The following SERGEF variants were observed in gnomAD, a reference collection of about 807,000 sequenced individuals.
The protein encoded by SERGEF is secretion-regulating guanine nucleotide exchange factor.
Under a neutral mutation model 50.0 loss-of-function variants are expected in SERGEF, and 51 were observed. That is an observed-to-expected ratio of 1.02 (90% CI 0.81 to 1.29). SERGEF has a LOEUF of 1.29. Ranked by LOEUF, SERGEF falls within the 50% of genes most tolerant of loss-of-function variation. The probability of loss-of-function intolerance (pLI) is 0.00; values close to 1 mark genes in which losing one functional copy is unlikely to be tolerated. For synonymous variants in SERGEF, 205 were observed against 212.4 expected, an observed-to-expected ratio of 0.97 and a Z score of 0.30; for missense variants, 521 against 557.0, an observed-to-expected ratio of 0.94 and a Z score of 0.65.
intron 10 of SERGEF, among the ~76,000 whole-genome samples, chr11:17,824,361 G>A (rs1850147085): frequency 6.6e-6 from 1 of 151,882 alleles, no homozygotes; most frequent in Middle Eastern, 3.2e-3. Context: ...AATATTGCTA[G>A]CAGCCATCTT....
At chr11:17,917,342 C>T (rs1442942948) in intron 9 of SERGEF, among the ~76,000 whole-genome samples, 4 of 152,190 alleles carry the variant, frequency 2.6e-5, no homozygotes, top group African/African-American at 7.2e-5. Context: ...TGTATGTTCT[C>T]ACTCATAAGT....
At chr11:17,907,042 A>C (rs954593482) in intron 9 of SERGEF, among the ~76,000 whole-genome samples, 2 of 151,858 alleles carry the variant, frequency 1.3e-5, no homozygotes, top group Non-Finnish European at 2.9e-5. Context: ...CGCCCAGTCC[A>C]TGACCCTCGG....
intron 9 of SERGEF, among the ~76,000 whole-genome samples, chr11:17,882,418 CAAAAAAAAA>C (rs770460948): frequency 2.8e-4 from 19 of 68,204 alleles, no homozygotes; most frequent in African/African-American, 9.5e-4. Context: ...GAGTCAGTCT[CAAAAAAAAA>C]AAAAAAAAAG....
intron 9 of SERGEF, among the ~76,000 whole-genome samples, chr11:17,890,786 G>A (rs1851518244): frequency 6.6e-6 from 1 of 152,118 alleles, no homozygotes. Context: ...GCTGATTCTA[G>A]GACTGAGGCA....
intron 9 of SERGEF, among the ~76,000 whole-genome samples, chr11:17,945,548 T>C (rs924380585): frequency 3.9e-5 from 6 of 152,242 alleles, no homozygotes; most frequent in African/African-American, 1.4e-4. Context: ...ATACAGACCT[T>C]TTCCATTATC....
intron 8 of SERGEF, among the ~76,000 whole-genome samples, chr11:17,973,705 C>T (rs984805879): frequency 6.6e-6 from 1 of 152,168 alleles, no homozygotes; most frequent in African/African-American, 2.4e-5. Context: ...AAAAGACCTA[C>T]AGGGGTCCTA....
intron 10 of SERGEF, among the ~76,000 whole-genome samples, chr11:17,859,197 G>T (rs2133880808): frequency 6.6e-6 from 1 of 152,168 alleles, no homozygotes; most frequent in East Asian, 1.9e-4. Context: ...CAGAGTCAAG[G>T]CAGAGAAGAA....
intron 9 of SERGEF, among the ~76,000 whole-genome samples, chr11:17,938,849 G>A (rs536495122): frequency 6.6e-6 from 1 of 152,188 alleles, no homozygotes; most frequent in African/African-American, 2.4e-5. Flanking sequence ...CTCACCAGAG[G>A]AGAGAGGTAG....
intron 10 of SERGEF, among the ~76,000 whole-genome samples, chr11:17,822,319 C>T (rs1590135428): frequency 6.6e-6 from 1 of 152,002 alleles, no homozygotes; most frequent in Non-Finnish European, 1.5e-5. Flanking sequence ...GTATCACAGG[C>T]GATACTAAAT....
chr11:18,012,277 G>A (rs1334349741), intron 1 of SERGEF, among the ~76,000 whole-genome samples: 1 of 152,196 alleles, frequency 6.6e-6, no homozygotes, highest in African/African-American at 2.4e-5. Flanking sequence ...ACAAGACGCA[G>A]CGACTGCTTG....
intron 10 of SERGEF, among the ~76,000 whole-genome samples, chr11:17,857,217 G>A (rs1368730110): frequency 6.6e-6 from 1 of 152,202 alleles, no homozygotes; most frequent in Non-Finnish European, 1.5e-5. Flanking sequence ...GGACTTGTGG[G>A]TGACCGTTCC....
chr11:17,973,449 T>C (rs1313830913), intron 8 of SERGEF, among the ~76,000 whole-genome samples: 5 of 152,166 alleles, frequency 3.3e-5, no homozygotes, highest in African/African-American at 9.7e-5. Flanking sequence ...AAAGAGAAAC[T>C]GGCTTTGGGG....
intron 8 of SERGEF, among the ~76,000 whole-genome samples, chr11:17,963,684 C>T (rs899586085): frequency 1.3e-5 from 2 of 152,116 alleles, no homozygotes; most frequent in Non-Finnish European, 2.9e-5. Context: ...ACACGCCTGA[C>T]GTCTATTAGT....
chr11:17,904,813 A>G (rs1479960731), intron 9 of SERGEF, among the ~76,000 whole-genome samples: 1 of 152,224 alleles, frequency 6.6e-6, no homozygotes, highest in Non-Finnish European at 1.5e-5. Context: ...ACACAATGCA[A>G]TGCAGTGCAA....
chr11:17,877,231 C>G (rs996613932), intron 10 of SERGEF, among the ~76,000 whole-genome samples: 2 of 152,196 alleles, frequency 1.3e-5, no homozygotes, highest in Non-Finnish European at 2.9e-5. Flanking sequence ...AAATTATTGA[C>G]ACAAATCAGT....
At chr11:17,948,718 C>A (rs1435561993) in intron 9 of SERGEF, among the ~76,000 whole-genome samples, 2 of 152,334 alleles carry the variant, frequency 1.3e-5, no homozygotes, top group Middle Eastern at 6.8e-3. Context: ...CCACAGTAGC[C>A]TCCCAGCACC....
chr11:17,988,515 T>A (rs1565224001), intron 8 of SERGEF, 82 bp downstream of exon 8: 1 of 1,408,806 alleles, frequency 7.1e-7, no homozygotes, highest in African/African-American at 1.4e-5. Context: ...GTAAAAAGGC[T>A]TAACCCCAAG....
intron 6 of SERGEF, 25 bp from the exon 7 acceptor site, chr11:17,993,018 G>T: frequency 6.2e-7 from 1 of 1,601,862 alleles, no homozygotes; most frequent in South Asian, 1.1e-5. Context: ...ATGTTCTTCT[G>T]AATTACATTT....
At chr11:17,969,768 T>C (rs1246622797) in intron 8 of SERGEF, among the ~76,000 whole-genome samples, 1 of 152,214 alleles carries the variant, frequency 6.6e-6, no homozygotes, top group African/African-American at 2.4e-5. Context: ...CATATCTATG[T>C]GATTCTCCTT....
Sources: gnomAD v4.1 joint callset for allele counts (sites outside exome capture counted in the v4.1 genomes callset) on GRCh38, gnomAD v4.1.1 for gene constraint, MANE v1.5 for transcripts, NCBI Gene and HGNC (gene_info 2026-07-23, HGNC 2026-07-21) for gene names.